The following CRIM1 variants were observed in gnomAD, a reference collection of about 807,000 sequenced individuals.
CRIM1 encodes the protein cysteine rich transmembrane BMP regulator 1.
Under a neutral mutation model 116.4 loss-of-function variants are expected in CRIM1, and 32 were observed. The ratio of observed to expected loss-of-function variants is 0.27; its 90% CI spans 0.21 to 0.37. The LOEUF (loss-of-function observed/expected upper bound fraction) is 0.37. CRIM1 is among the 10% of genes least tolerant of loss of function. The probability of loss-of-function intolerance (pLI) is 1.00; values close to 1 mark genes in which losing one functional copy is unlikely to be tolerated. For synonymous variants in CRIM1, 590 were observed against 509.2 expected (o/e 1.16, Z -2.13); for missense variants, 1,331 against 1,354.8 (o/e 0.98, Z 0.28).
rs777727198 is a variant in CRIM1, at chr2:36,512,371, G to C, written c.1757G>C (p.Gly586Ala). 4.3e-6 allele frequency: 7 copies of C among 1,613,216 alleles called. No homozygotes were observed. Among genetic ancestry groups the C allele is most frequent in the Non-Finnish European group, 5.9e-6 (7 of 1,179,394 alleles). Residue 586 changes from glycine to alanine, a missense_variant, in exon 10 of 17, where the codon GGC becomes GCC. Physicochemically the swap from Gly to Ala is moderately conservative, Grantham distance 60 (BLOSUM62 0). Coordinates refer to ENST00000280527, the MANE Select transcript of CRIM1 (RefSeq NM_016441.3). ...CPLGFQQDSH[G>A]CLICKCREAS... ...TTGGGTTTCCAGCAGGACAGTCACG[G>C]CTGTCTTATCTGCAAGTGCAGAGGT...
rs377625523 is a variant in CRIM1 at position 36,499,262 on chromosome 2, A to G, written c.1416A>G (p.Leu472=). Residue 472 remains leucine (L), a synonymous_variant, in exon 8 of 17, where the codon TTA becomes TTG. Transcript: ENST00000280527. ...TTGATCCACCTGCATGTGGGGAGTT[A>G]TCAAACTGCACTCTGACAGGGAAGG... ...ITVDPPACGE[L]SNCTLTGKDC... 62 of 1,613,412 alleles carry G rather than the reference A, an allele frequency of 3.8e-5. No individual in the cohort carries two copies. Among genetic ancestry groups the G allele is most frequent in the Non-Finnish European group, 5.1e-5 (60 of 1,179,446 alleles).
chr2:36,457,689 T>C (rs1231540538), intron 4 of CRIM1, among the ~76,000 whole-genome samples: 1 of 152,130 alleles, frequency 6.6e-6, no homozygotes, highest in Non-Finnish European at 1.5e-5. Context: ...AGTGCTGTTT[T>C]CCATAAGAAG....
At chr2:36,360,981 C>T (rs1176620322) in intron 1 of CRIM1, among the ~76,000 whole-genome samples, 1 of 152,028 alleles carries the variant, frequency 6.6e-6, no homozygotes, top group Non-Finnish European at 1.5e-5. Context: ...ATTATGTTAA[C>T]AGGGAATGGG....
intron 13 of CRIM1, chr2:36,529,382 T>C (rs1293180827): frequency 4.5e-6 from 1 of 221,858 alleles, no homozygotes; most frequent in Non-Finnish European, 9.5e-6. Flanking sequence ...ATACCCCGAC[T>C]TTTACATGGA....
Position 36,513,657 on chromosome 2 carries a change from G to A in CRIM1, c.1882G>A (p.Glu628Lys), listed in dbSNP as rs1664845256. ...NEESWHDGCR[E>K]CYCLNGREMC... ...GGAGAGCTGGCACGATGGGTGCCGGGAATGCTACTGTCTCAATGGACGGGA... is the reference window on the plus strand; with the variant it reads ...GGAGAGCTGGCACGATGGGTGCCGGAAATGCTACTGTCTCAATGGACGGGA... Residue 628 changes from glutamate to lysine, a missense_variant, in exon 11 of 17, where the codon GAA becomes AAA. Around this residue, in one of 3 missense-constraint regions of CRIM1, gnomAD observed 358 missense variants for 436.1 expected, o/e 0.82. Transcript: ENST00000280527. 3 of 1,614,086 alleles carry A rather than the reference G, an allele frequency of 1.9e-6. No individual in the cohort carries two copies. Among genetic ancestry groups the A allele is most frequent in the South Asian group, 1.1e-5 (1 of 91,086 alleles).
chr2:36,484,039 G>T (rs17480531), intron 7 of CRIM1, among the ~76,000 whole-genome samples: 4,869 of 152,230 alleles, frequency 0.032, 113 homozygotes, highest in Non-Finnish European at 0.042. Context: ...CTGCATTGAC[G>T]GTTCACCCTT....
chr2:36,528,023 G>T (rs1665869489), intron 13 of CRIM1, among the ~76,000 whole-genome samples: 2 of 151,860 alleles, frequency 1.3e-5, no homozygotes, highest in Admixed American at 6.6e-5. Context: ...TAATAATATT[G>T]TCCTGTGCTT....
intron 2 of CRIM1, among the ~76,000 whole-genome samples, chr2:36,400,162 G>C (rs147940379): frequency 2.6e-5 from 4 of 152,192 alleles, no homozygotes; most frequent in Non-Finnish European, 5.9e-5. Context: ...CACTGAGAAG[G>C]AGACAAAATC....
At chr2:36,441,690 C>A (rs1675838617) in intron 3 of CRIM1, among the ~76,000 whole-genome samples, 190 bp downstream of exon 3, 1 of 152,294 alleles carries the variant, frequency 6.6e-6, no homozygotes, top group East Asian at 1.9e-4. Flanking sequence ...AGTGATCATC[C>A]ACTGGTACAT....
chr2:36,372,568 T>C (rs1670014005), intron 1 of CRIM1, among the ~76,000 whole-genome samples: 1 of 152,024 alleles, frequency 6.6e-6, no homozygotes, highest in African/African-American at 2.4e-5. Flanking sequence ...GTATATAGAG[T>C]CAAAGACACA....
chr2:36,536,821 A>G (rs1409687448), intron 13 of CRIM1, among the ~76,000 whole-genome samples: 1 of 152,164 alleles, frequency 6.6e-6, no homozygotes, highest in Non-Finnish European at 1.5e-5. Flanking sequence ...ATGGATTGCC[A>G]TGAAATGAAG....
chr2:36,438,727 G>A (rs1235547458), intron 2 of CRIM1, among the ~76,000 whole-genome samples: 1 of 152,194 alleles, frequency 6.6e-6, no homozygotes, highest in African/African-American at 2.4e-5. Context: ...TTCTGAAAGG[G>A]AAGGAGCTGT....
At chr2:36,368,111 G>C (rs1669712449) in intron 1 of CRIM1, among the ~76,000 whole-genome samples, 1 of 152,206 alleles carries the variant, frequency 6.6e-6, no homozygotes, top group African/African-American at 2.4e-5. Flanking sequence ...CTTTGCTGCT[G>C]TTTTCACTTG....
intron 13 of CRIM1, among the ~76,000 whole-genome samples, chr2:36,528,805 G>A (rs1353400008): frequency 6.6e-6 from 1 of 152,228 alleles, no homozygotes; most frequent in East Asian, 1.9e-4. Flanking sequence ...CGTGCACCAT[G>A]CTAACTTTGG....
intron 2 of CRIM1, among the ~76,000 whole-genome samples, chr2:36,433,325 A>T (rs796989868): frequency 1.1e-4 from 17 of 152,210 alleles, no homozygotes; most frequent in African/African-American, 3.6e-4. Context: ...ATGCAATTCC[A>T]TAACATCGTT....
At chr2:36,405,228 G>A (rs1030557963) in intron 2 of CRIM1, among the ~76,000 whole-genome samples, 3 of 152,164 alleles carry the variant, frequency 2.0e-5, no homozygotes, top group Non-Finnish European at 4.4e-5. Flanking sequence ...CCAAGTAAAT[G>A]TGATCTGGTG....
chr2:36,504,992 C>T (rs1488266958), intron 8 of CRIM1, among the ~76,000 whole-genome samples: 4 of 152,162 alleles, frequency 2.6e-5, no homozygotes, highest in East Asian at 3.9e-4. Context: ...CATCAGTCAG[C>T]AGAGAGGAAA....
intron 9 of CRIM1, among the ~76,000 whole-genome samples, chr2:36,511,209 G>A (rs1054519529): frequency 2.0e-5 from 3 of 152,118 alleles, no homozygotes; most frequent in Admixed American, 1.3e-4. Context: ...CCAAAGTGCT[G>A]GGATTACAGG....
intron 4 of CRIM1, among the ~76,000 whole-genome samples, chr2:36,446,321 A>T (rs1209861366): frequency 6.6e-6 from 1 of 152,104 alleles, no homozygotes; most frequent in Non-Finnish European, 1.5e-5. Context: ...TTTCTCTGGA[A>T]TTGTATGTTT....
Sources: gnomAD v4.1 joint callset for allele counts (sites outside exome capture counted in the v4.1 genomes callset) on GRCh38, gnomAD v4.1.1 for gene constraint, gnomAD v4.1.1 regional missense constraint, MANE v1.5 for transcripts, NCBI Gene and HGNC (gene_info 2026-07-23, HGNC 2026-07-21) for gene names.